Variants in KPNB1 observed in about 807,000 individuals in gnomAD.
The protein encoded by KPNB1 is importin subunit beta-1.
Under a neutral mutation model 113.0 loss-of-function variants are expected in KPNB1, and 7 were observed. The observed-to-expected ratio is 0.06, with a 90% CI of 0.04 to 0.12. The LOEUF is 0.12. KPNB1 is among the 10% of genes least tolerant of loss of function. KPNB1 has a pLI of 1.00. For missense variants in KPNB1, 400 were observed against 1,054.8 expected (o/e 0.38, Z 8.60); for synonymous variants, 363 against 378.6 (o/e 0.96, Z 0.48).
intron 6 of KPNB1, among the ~76,000 whole-genome samples, chr17:47,661,819 G>A (rs868856744): frequency 2.0e-5 from 3 of 152,230 alleles, no homozygotes; most frequent in Middle Eastern, 3.4e-3. Context: ...ACAGTTAAGG[G>A]AGAAAAGGTT....
At chr17:47,650,773 A>G (rs1263344874) in intron 2 of KPNB1, among the ~76,000 whole-genome samples, 1 of 151,916 alleles carries the variant, frequency 6.6e-6, no homozygotes, top group African/African-American at 2.4e-5. Context: ...CTGCGTGTTC[A>G]GCAGGGGTGG....
chr17:47,664,815 T>C (rs951722615), intron 8 of KPNB1, among the ~76,000 whole-genome samples: 16 of 152,212 alleles, frequency 1.1e-4, no homozygotes, highest in Admixed American at 6.5e-5. Context: ...GTTGTCCATA[T>C]GAATTGAACT....
chr17:47,672,432 C>T (rs900540810), intron 12 of KPNB1, among the ~76,000 whole-genome samples: 2 of 150,122 alleles, frequency 1.3e-5, no homozygotes, highest in African/African-American at 4.9e-5. Flanking sequence ...GAGTTTCGGT[C>T]TTGTTGCTCA....
chr17:47,675,389 G>GTTTTTTTT (rs1419981267), intron 15 of KPNB1, among the ~76,000 whole-genome samples: 1 of 78,438 alleles, frequency 1.3e-5, no homozygotes, highest in Admixed American at 1.3e-4. Flanking sequence ...TTTTTTGTTT[G>GTTTTTTTT]TTTTTTTTTT....
At chr17:47,679,633 A>C (rs1297216026) in intron 19 of KPNB1, among the ~76,000 whole-genome samples, 1 of 152,146 alleles carries the variant, frequency 6.6e-6, no homozygotes, top group Non-Finnish European at 1.5e-5. Flanking sequence ...AATAGTTGGA[A>C]ATTTTGAAAA....
At chr17:47,680,453 C>A in intron 20 of KPNB1, 55 bp from the exon 21 acceptor site, 1 of 1,591,444 alleles carries the variant, frequency 6.3e-7, no homozygotes, top group South Asian at 1.1e-5. Context: ...AGGCTCAAAA[C>A]ATTATACTGG....
rs140511431 is a variant in KPNB1 at position 47,657,334 on chromosome 17, T to C, written c.483+274T>C. Among the ~76,000 whole-genome samples, 357 of 152,354 alleles carry C rather than the reference T, an allele frequency of 2.3e-3. 3 individuals carry two copies. The highest frequency in any genetic ancestry group is 8.3e-3 in the African/African-American group (344 of 41,580). Reference sequence around the variant, plus strand: ...CTTACAAAATGAGGATATTCTCATTTGGATTATCCCTGACCCAGTCTTTTT... The same window carrying C: ...CTTACAAAATGAGGATATTCTCATTCGGATTATCCCTGACCCAGTCTTTTT... On this transcript the variant is annotated intron_variant, in intron 4 of 21. Coordinates refer to ENST00000290158, the MANE Select transcript of KPNB1 (RefSeq NM_002265.6).
chr17:47,661,064 T>A, intron 5 of KPNB1, 55 bp from the exon 6 acceptor site: 1 of 1,412,982 alleles, frequency 7.1e-7, no homozygotes, highest in South Asian at 1.2e-5. Flanking sequence ...TCTGGAAATC[T>A]TCCTACGTAC....
At chr17:47,662,388 C>G (rs954607295) in intron 6 of KPNB1, 4 of 153,690 alleles carry the variant, frequency 2.6e-5, no homozygotes, top group African/African-American at 9.7e-5. Context: ...AGTTGGAGAC[C>G]AGTCTGGGCA....
chr17:47,651,480 C>A, intron 2 of KPNB1: 1 of 375,720 alleles, frequency 2.7e-6, no homozygotes, highest in Non-Finnish European at 3.7e-6. Context: ...TTTATACAGA[C>A]TGCCTTTGAA....
intron 19 of KPNB1, among the ~76,000 whole-genome samples, chr17:47,679,074 C>T (rs1429107153): frequency 6.6e-6 from 1 of 151,684 alleles, no homozygotes; most frequent in Non-Finnish European, 1.5e-5. Context: ...CACACACCAC[C>T]ATGCCCAGCT....
intron 21 of KPNB1, among the ~76,000 whole-genome samples, chr17:47,681,884 G>A (rs891636073): frequency 2.6e-5 from 4 of 152,024 alleles, no homozygotes; most frequent in Non-Finnish European, 5.9e-5. Context: ...CCAGGCTGGA[G>A]TGCAGTGGTA....
chr17:47,662,240 G>C (rs2030124254), intron 6 of KPNB1: 1 of 152,308 alleles, frequency 6.6e-6, no homozygotes, highest in South Asian at 2.1e-4. Flanking sequence ...GGCGGAGGTT[G>C]TAGTGAGCTG....
intron 21 of KPNB1, among the ~76,000 whole-genome samples, chr17:47,681,058 TG>T (rs1408172049): frequency 3.2e-3 from 185 of 57,036 alleles, no homozygotes; most frequent in South Asian, 0.012. Flanking sequence ...TGTTTTTTTG[TG>T]TGTGTGTGTG....
intron 3 of KPNB1, among the ~76,000 whole-genome samples, chr17:47,653,135 G>T (rs2317825): frequency 0.99 from 150,583 of 152,296 alleles, 74,474 homozygotes; most frequent in Middle Eastern, 1. Flanking sequence ...TGCCATAATT[G>T]GTAAAATCTG....
Position 47,683,358 on chromosome 17 carries a change from GT to G in KPNB1, c.*956del, listed in dbSNP as rs2030852046. The G allele has an allele frequency of 6.6e-6, 1 of 151,944 alleles. No homozygotes were observed. Among genetic ancestry groups the G allele is most frequent in the South Asian group, 2.1e-4 (1 of 4,830 alleles). 9.4% of individuals were successfully genotyped at this position (151,944 alleles called of 1,614,324 possible). ...GATATAGAAAAATATAAGTACAATT[GT>G]TACAAATAACGCAGACTTCAAAAAC... On this transcript the variant is annotated 3_prime_UTR_variant, in exon 22 of 22. Coordinates refer to ENST00000290158, the MANE Select transcript of KPNB1 (RefSeq NM_002265.6).
chr17:47,656,835 T>C, intron 3 of KPNB1, 25 bp from the exon 4 acceptor site: 2 of 1,569,086 alleles, frequency 1.3e-6, no homozygotes, highest in Non-Finnish European at 1.7e-6. Context: ...GAAATTTGTA[T>C]CTTTTGTCTT....
At position 47,676,504 on chromosome 17, in the gene KPNB1, T is replaced by C. The variant is rs537257016; in HGVS notation, c.1995+13T>C. The C allele has an allele frequency of 1.3e-6, 2 of 1,589,426 alleles. No individual in the cohort carries two copies. The highest frequency in any genetic ancestry group is 1.7e-6 in the Non-Finnish European group (2 of 1,157,540). On this transcript the variant is annotated intron_variant, in intron 16 of 21. Transcript: ENST00000290158. Reference sequence around the variant, plus strand: ...TGCTGAATACCAGGTAGGATGTGCTTTTCAAAATAGTATGTTCCCATTTAT... The same window carrying C: ...TGCTGAATACCAGGTAGGATGTGCTCTTCAAAATAGTATGTTCCCATTTAT...
At chr17:47,679,989 A>C in intron 19 of KPNB1, 31 bp from the exon 20 acceptor site, 1 of 1,491,802 alleles carries the variant, frequency 6.7e-7, no homozygotes. Flanking sequence ...GAGCCACCGC[A>C]CCCGACCAAT....
Sources: allele counts gnomAD v4.1 joint callset (sites outside exome capture counted in the v4.1 genomes callset), GRCh38; gene constraint gnomAD v4.1.1; transcripts MANE v1.5; gene names NCBI Gene and HGNC (gene_info 2026-07-23, HGNC 2026-07-21).